SLC2A1: variants seen among roughly 807,000 people sequenced by gnomAD.
The protein encoded by SLC2A1 is solute carrier family 2, facilitated glucose transporter member 1.
In SLC2A1, 4 loss-of-function variants were observed where a neutral mutation model predicts 46.6. That is an observed-to-expected ratio of 0.09 (90% CI 0.04 to 0.20). The LOEUF (loss-of-function observed/expected upper bound fraction) is 0.20, where lower values mean the gene tolerates loss of function less well. Ranked by LOEUF, SLC2A1 falls within the 10% of genes least tolerant of loss-of-function variation. SLC2A1 has a pLI of 1.00. For synonymous variants in SLC2A1, 253 were observed against 270.0 expected (o/e 0.94, Z 0.62); for missense variants, 352 against 667.0 (o/e 0.53, Z 5.20).
intron 1 of SLC2A1, among the ~76,000 whole-genome samples, chr1:42,944,447 G>A (rs574287755): frequency 2.6e-5 from 4 of 152,310 alleles, no homozygotes; most frequent in Admixed American, 6.5e-5. Context: ...CATTCACTAC[G>A]CACACTATAC....
rs977775794 is a variant in SLC2A1 at position 42,926,917 on chromosome 1, G to A, written c.*124C>T. On this transcript the variant is annotated 3_prime_UTR_variant, in exon 10 of 10. Coordinates refer to ENST00000426263, the MANE Select transcript of SLC2A1 (RefSeq NM_006516.4). Reference sequence around the variant, plus strand: ...CTTCTGGACATCATTGCTGGCTGGAGAAAGGAGCCCCAGGCCCGGCTCGGC... The same window carrying A: ...CTTCTGGACATCATTGCTGGCTGGAAAAAGGAGCCCCAGGCCCGGCTCGGC... The A allele has an allele frequency of 1.3e-6, 2 of 1,525,780 alleles. No homozygotes were observed. Among genetic ancestry groups the A allele is most frequent in the African/African-American group, 1.4e-5 (1 of 72,224 alleles). 94.5% of individuals were successfully genotyped at this position (1,525,780 alleles called of 1,614,324 possible).
chr1:42,942,629 G>A (rs1225260922), intron 2 of SLC2A1, among the ~76,000 whole-genome samples: 1 of 151,900 alleles, frequency 6.6e-6, no homozygotes, highest in Non-Finnish European at 1.5e-5. Flanking sequence ...TCAGGGAGAG[G>A]ACGCGGTTTC....
chr1:42,929,185 G>A lies in SLC2A1; in HGVS notation c.972+25C>T, dbSNP rs187701356. The A allele has an allele frequency of 3.1e-6, 5 of 1,601,934 alleles. No homozygotes were observed. Among genetic ancestry groups the A allele is most frequent in the Non-Finnish European group, 4.3e-6 (5 of 1,169,116 alleles). On this transcript the variant is annotated intron_variant, in intron 7 of 9. Transcript: ENST00000426263. The surrounding 1 kb of genome is among the most constrained non-coding windows in gnomAD (Gnocchi z 6.0). ...CTGCCTCCTCCCTGGGGTTTGGCTG[G>A]GGGGGCCAGTAAGCAAAGACTCACC...
chr1:42,929,334 G>C lies in SLC2A1; in HGVS notation c.868-20C>G. 6.3e-7 allele frequency: 1 copy of C among 1,584,084 alleles called. No homozygotes were observed. Among genetic ancestry groups the C allele is most frequent in the African/African-American group, 1.3e-5 (1 of 74,196 alleles). ...GAAGACCTGCCAGACAAGAGAAACT[G>C]TTGGGGCCTACCTGGACATTGTGGC... On this transcript the variant is annotated intron_variant, in intron 6 of 9. Transcript: ENST00000426263. This position sits in a 1 kb window ranked among gnomAD's most constrained non-coding sequence, Gnocchi z 6.0.
intron 2 of SLC2A1, among the ~76,000 whole-genome samples, chr1:42,937,232 C>T (rs1308528732): frequency 6.6e-6 from 1 of 152,252 alleles, no homozygotes; most frequent in Non-Finnish European, 1.5e-5. Context: ...CGGAGATGGT[C>T]TGTCTGATGC....
rs138066311 is a variant in SLC2A1, at chr1:42,933,857, C to T, written c.115-2651G>A. 2.6e-3 allele frequency among the ~76,000 whole-genome samples: 403 copies of T among 152,308 alleles called. 4 individuals are homozygous for T. The highest frequency in any genetic ancestry group is 0.014 in the South Asian group (67 of 4,824). ...AAGCAGGGCTGCAGGGCAATGGTGTCTGCCCTTGGGGCTCTCTCCAGGGGC... is the reference window on the plus strand; with the variant it reads ...AAGCAGGGCTGCAGGGCAATGGTGTTTGCCCTTGGGGCTCTCTCCAGGGGC... On this transcript the variant is annotated intron_variant, in intron 2 of 9. Transcript: ENST00000426263.
rs1178811743 is a variant in SLC2A1, at chr1:42,926,211, G to A, written c.*830C>T. On this transcript the variant is annotated 3_prime_UTR_variant, in exon 10 of 10. Transcript: ENST00000426263. Reference sequence around the variant, plus strand: ...AGGTAAGTAACAGGAGTGAGGTGGTGTATTTACAAGTTGGCTTGTCCAGAT... The same window carrying A: ...AGGTAAGTAACAGGAGTGAGGTGGTATATTTACAAGTTGGCTTGTCCAGAT... 6.5e-6 allele frequency: 1 copy of A among 152,686 alleles called. No individual in the cohort carries two copies. The highest frequency in any genetic ancestry group is 1.5e-5 in the Non-Finnish European group (1 of 68,108). The allele number at this position is 152,686 out of a possible 1,614,324, so 9.5% of individuals were successfully genotyped here.
Position 42,926,909 on chromosome 1 carries a change from T to A in SLC2A1, c.*132A>T. The A allele has an allele frequency of 2.0e-6, 3 of 1,519,444 alleles. No individual in the cohort carries two copies. The highest frequency in any genetic ancestry group is 2.6e-6 in the Non-Finnish European group (3 of 1,140,220). The allele number at this position is 1,519,444 out of a possible 1,614,324, so 94.1% of individuals were successfully genotyped here. A position where few individuals can be genotyped will look rare whatever the true frequency, so the allele number is the denominator to read the frequency against. The stretch of plus-strand genomic sequence containing the variant: ...TGAATATTCTTCTGGACATCATTGC[T>A]GGCTGGAGAAAGGAGCCCCAGGCCC... On this transcript the variant is annotated 3_prime_UTR_variant, in exon 10 of 10. Coordinates refer to ENST00000426263, the MANE Select transcript of SLC2A1 (RefSeq NM_006516.4).
intron 2 of SLC2A1, among the ~76,000 whole-genome samples, chr1:42,941,098 C>T (rs563966609): frequency 3.3e-5 from 5 of 152,304 alleles, no homozygotes; most frequent in East Asian, 3.9e-4. Context: ...ACTAGTCCAA[C>T]GGCAACTTTC....
intron 1 of SLC2A1, among the ~76,000 whole-genome samples, chr1:42,955,347 G>A (rs372651628): frequency 7.2e-5 from 11 of 152,282 alleles, no homozygotes; most frequent in African/African-American, 2.2e-4. Context: ...GGTAGCTCAC[G>A]CCTGTAATCC....
intron 2 of SLC2A1, among the ~76,000 whole-genome samples, chr1:42,937,104 C>T (rs771552993): frequency 3.9e-5 from 6 of 152,208 alleles, no homozygotes; most frequent in Admixed American, 6.5e-5. Context: ...GCTCTAAGGG[C>T]GAAGCACCCT....
chr1:42,926,940 G>C lies in SLC2A1; in HGVS notation c.*101C>G. The C allele has an allele frequency of 6.5e-7, 1 of 1,548,452 alleles. No individual in the cohort carries two copies. The highest frequency in any genetic ancestry group is 8.7e-7 in the Non-Finnish European group (1 of 1,149,592). The stretch of plus-strand genomic sequence containing the variant: ...GAGAAAGGAGCCCCAGGCCCGGCTC[G>C]GCTGACATCTGTCAGGTTTGGAAGT... On this transcript the variant is annotated 3_prime_UTR_variant, in exon 10 of 10. Coordinates refer to ENST00000426263, the MANE Select transcript of SLC2A1 (RefSeq NM_006516.4).
chr1:42,942,407 AC>A (rs1462738691), intron 2 of SLC2A1, among the ~76,000 whole-genome samples: 1 of 151,384 alleles, frequency 6.6e-6, no homozygotes, highest in Non-Finnish European at 1.5e-5. Context: ...CCTGCCTCCT[AC>A]CCCCTACCCC....
At position 42,926,209 on chromosome 1, in the gene SLC2A1, G is replaced by A. The variant is rs1643424517; in HGVS notation, c.*832C>T. ...TTAGGTAAGTAACAGGAGTGAGGTG[G>A]TGTATTTACAAGTTGGCTTGTCCAG... On this transcript the variant is annotated 3_prime_UTR_variant, in exon 10 of 10. Transcript: ENST00000426263. 1 of 152,676 alleles carries A rather than the reference G, an allele frequency of 6.5e-6. No homozygotes were observed. The highest frequency in any genetic ancestry group is 2.4e-5 in the African/African-American group (1 of 41,434). 9.5% of individuals were successfully genotyped at this position (152,676 alleles called of 1,614,324 possible). A position where few individuals can be genotyped will look rare whatever the true frequency, so the allele number is the denominator to read the frequency against.
At chr1:42,952,013 G>A in intron 1 of SLC2A1, 1 of 418,222 alleles carries the variant, frequency 2.4e-6, no homozygotes, top group African/African-American at 2.0e-5. Flanking sequence ...CACTGGTCAG[G>A]GGGCCAGGAT....
chr1:42,949,224 G>A (rs1307346414), intron 1 of SLC2A1, among the ~76,000 whole-genome samples: 2 of 152,182 alleles, frequency 1.3e-5, no homozygotes, highest in Admixed American at 6.5e-5. Flanking sequence ...TTCCAGTCTG[G>A]GCGACAGAGT....
In SLC2A1 at chr1:42,929,089, C is replaced by T. The variant is rs1002675344; in HGVS notation, c.973-56G>A. On this transcript the variant is annotated intron_variant, in intron 7 of 9. Coordinates refer to ENST00000426263, the MANE Select transcript of SLC2A1 (RefSeq NM_006516.4). This position sits in a 1 kb window ranked among gnomAD's most constrained non-coding sequence, Gnocchi z 6.0. Reference sequence around the variant, plus strand: ...CTGCCTAGTGCCCTTCTGAACCCACCCACCCAGAGGCCTTGCCTCAAGAGC... The same window carrying T: ...CTGCCTAGTGCCCTTCTGAACCCACTCACCCAGAGGCCTTGCCTCAAGAGC... The T allele has an allele frequency of 6.3e-7, 1 of 1,579,924 alleles. No individual in the cohort carries two copies. Among genetic ancestry groups the T allele is most frequent in the African/African-American group, 1.3e-5 (1 of 74,078 alleles).
intron 2 of SLC2A1, among the ~76,000 whole-genome samples, chr1:42,932,854 G>A (rs1643506608): frequency 6.6e-6 from 1 of 152,168 alleles, no homozygotes; most frequent in Non-Finnish European, 1.5e-5. Flanking sequence ...CCTGTCCCAA[G>A]TCAGCAGGCA....
At chr1:42,947,910 TG>T (rs1643676198) in intron 1 of SLC2A1, among the ~76,000 whole-genome samples, 1 of 152,162 alleles carries the variant, frequency 6.6e-6, no homozygotes, top group Non-Finnish European at 1.5e-5. Flanking sequence ...TGACGAGTGC[TG>T]GAACATCAGA....
Sources: gnomAD v4.1 joint callset for allele counts (sites outside exome capture counted in the v4.1 genomes callset) on GRCh38, gnomAD v4.1.1 for gene constraint, Gnocchi (gnomAD v3.1) non-coding constraint, MANE v1.5 for transcripts, NCBI Gene and HGNC (gene_info 2026-07-23, HGNC 2026-07-21) for gene names.